Variants in ADGRD1 observed in about 807,000 individuals in gnomAD.
ADGRD1 encodes adhesion G protein-coupled receptor D1, also known as G-protein coupled receptor 133.
Under a neutral mutation model 113.4 loss-of-function variants are expected in ADGRD1, and 77 were observed. The ratio of observed to expected loss-of-function variants is 0.68; its 90% CI spans 0.57 to 0.82. The LOEUF (loss-of-function observed/expected upper bound fraction) is 0.82, where lower values mean the gene tolerates loss of function less well. Among genes scored for constraint, ADGRD1 ranks in the 40% least tolerant of loss-of-function variants. ADGRD1 has a pLI of 0.00. For missense variants in ADGRD1, 1,036 were observed against 1,139.1 expected, an observed-to-expected ratio of 0.91 and a Z score of 1.30; for synonymous variants, 474 against 475.0, an observed-to-expected ratio of 1.00 and a Z score of 0.03.
Position 131,096,881 on chromosome 12 carries a change from G to C in ADGRD1, c.1672-7950G>C, listed in dbSNP as rs11830690. ...CCTGCTGCCCGGCTCTGCCTCCCAC[G>C]GCCGACCACTGTGCTGAGTTGCAGG... On this transcript the variant is annotated intron_variant, in intron 15 of 24. Coordinates refer to ENST00000261654, the MANE Select transcript of ADGRD1 (RefSeq NM_198827.5). The surrounding 1 kb of genome is among the most constrained non-coding windows in gnomAD (Gnocchi z 5.2). 0.041 allele frequency among the ~76,000 whole-genome samples: 6,170 copies of C among 152,212 alleles called. 408 individuals are homozygous for C. Among genetic ancestry groups the C allele is most frequent in the African/African-American group, 0.14 (5,869 of 41,504 alleles).
Position 130,964,214 on chromosome 12 carries a change from TAA to T in ADGRD1, c.104-2248_104-2247del, listed in dbSNP as rs1204278262. Among the ~76,000 whole-genome samples the T allele has an allele frequency of 2.0e-3, 297 of 152,056 alleles. 1 individual carries two copies. Among genetic ancestry groups the T allele is most frequent in the African/African-American group, 6.9e-3 (286 of 41,478 alleles). ...TATGTATTATATAATACATATTATA[TAA>T]TATGCACAGAAAACTTTGTTTTCTG... is the stretch of plus-strand genomic sequence containing the variant. On this transcript the variant is annotated intron_variant, in intron 2 of 24. Transcript: ENST00000261654.
intron 9 of ADGRD1, chr12:131,002,540 C>T: frequency 1.0e-6 from 1 of 999,204 alleles, no homozygotes; most frequent in African/African-American, 1.7e-5. Context: ...AGCTCACTGG[C>T]CCAGCTCAGC....
intron 4 of ADGRD1, among the ~76,000 whole-genome samples, chr12:130,976,421 A>G (rs1400024123): frequency 1.3e-5 from 2 of 152,180 alleles, no homozygotes; most frequent in Non-Finnish European, 2.9e-5. Flanking sequence ...CCTGGGTGGC[A>G]GCAACTGCAG....
At chr12:131,105,218 C>T (rs1345595706) in intron 16 of ADGRD1, among the ~76,000 whole-genome samples, 3 of 152,252 alleles carry the variant, frequency 2.0e-5, no homozygotes, top group African/African-American at 7.2e-5. Context: ...GCTTTGAGGG[C>T]CCGACTGTGC....
At position 130,954,903 on chromosome 12, in the gene ADGRD1, G is replaced by A. The variant is rs1869342295; in HGVS notation, c.103+243G>A. ...TGAGCTGGGTCATATGAAACATTGT[G>A]ATTAAGGAAATATGATCTTCATTTG... On this transcript the variant is annotated intron_variant, in intron 2 of 24. Transcript: ENST00000261654. The surrounding 1 kb of genome is among the most constrained non-coding windows in gnomAD (Gnocchi z 4.7). Among the ~76,000 whole-genome samples the A allele has an allele frequency of 1.4e-5, 1 of 73,980 alleles. No individual in the cohort carries two copies. Among genetic ancestry groups the A allele is most frequent in the African/African-American group, 5.5e-5 (1 of 18,104 alleles). 48.5% of individuals were successfully genotyped at this position (73,980 alleles called of 152,430 possible).
intron 21 of ADGRD1, among the ~76,000 whole-genome samples, chr12:131,132,436 C>G (rs890777626): frequency 2.0e-5 from 3 of 152,220 alleles, no homozygotes; most frequent in Non-Finnish European, 4.4e-5. Flanking sequence ...CATGCACTGG[C>G]CTAAGCAGAA....
chr12:130,979,821 A>T (rs999801458), intron 4 of ADGRD1, among the ~76,000 whole-genome samples: 8 of 20,522 alleles, frequency 3.9e-4, no homozygotes, highest in Non-Finnish European at 6.5e-4. Context: ...AGTGTCTCAC[A>T]CACACACACA....
chr12:131,132,352 A>C (rs1171124382), intron 21 of ADGRD1, among the ~76,000 whole-genome samples: 2 of 152,130 alleles, frequency 1.3e-5, no homozygotes, highest in African/African-American at 2.4e-5. Flanking sequence ...CCAGCCACAC[A>C]ACTCACTGCC....
At chr12:131,046,433 C>T (rs561394039) in intron 13 of ADGRD1, among the ~76,000 whole-genome samples, 2 of 111,854 alleles carry the variant, frequency 1.8e-5, no homozygotes, top group African/African-American at 4.2e-5. Context: ...CCTCCCTGGT[C>T]AGTGTCCTCT....
At position 131,027,973 on chromosome 12, in the gene ADGRD1, A is replaced by G. The variant is rs1344853572; in HGVS notation, c.1473+13633A>G. On this transcript the variant is annotated intron_variant, in intron 13 of 24. Coordinates refer to ENST00000261654, the MANE Select transcript of ADGRD1 (RefSeq NM_198827.5). This position sits in a 1 kb window ranked among gnomAD's most constrained non-coding sequence, Gnocchi z 5.1. ...GAGCGCGTTTCTGCTGGTGAACCTGACTGTGCCCTTCTTTGTGGGATCTGC... is the reference window on the plus strand; with the variant it reads ...GAGCGCGTTTCTGCTGGTGAACCTGGCTGTGCCCTTCTTTGTGGGATCTGC... 1 of 152,192 alleles carries G rather than the reference A, an allele frequency of 6.6e-6. No individual in the cohort carries two copies. The highest frequency in any genetic ancestry group is 2.4e-5 in the African/African-American group (1 of 41,430). The allele number at this position is 152,192 out of a possible 1,614,324, so 9.4% of individuals were successfully genotyped here.
At chr12:131,014,487 C>T in intron 13 of ADGRD1, 147 bp downstream of exon 13, 1 of 726,828 alleles carries the variant, frequency 1.4e-6, no homozygotes, top group African/African-American at 1.8e-5. Flanking sequence ...GGAGCTCCTT[C>T]TCTTGGGCCT....
chr12:131,124,672 G>A (rs1243297424), intron 20 of ADGRD1, among the ~76,000 whole-genome samples: 2 of 105,340 alleles, frequency 1.9e-5, no homozygotes, highest in Admixed American at 9.8e-5. Context: ...ACTGCCCACC[G>A]CCCCTTCTCG....
intron 20 of ADGRD1, 91 bp from the exon 21 acceptor site, chr12:131,131,634 G>T (rs914571262): frequency 1.2e-6 from 1 of 843,546 alleles, no homozygotes; most frequent in Admixed American, 2.3e-5. Context: ...GGCAGGGGTA[G>T]CCTGTGGTGA....
intron 20 of ADGRD1, among the ~76,000 whole-genome samples, chr12:131,128,560 C>T (rs1950803994): frequency 6.6e-6 from 1 of 152,110 alleles, no homozygotes; most frequent in Non-Finnish European, 1.5e-5. Flanking sequence ...GAAATGGCAA[C>T]ACAAAATTTA....
chr12:131,025,008 C>A (rs969397572), intron 13 of ADGRD1, among the ~76,000 whole-genome samples: 3 of 152,188 alleles, frequency 2.0e-5, no homozygotes, highest in South Asian at 2.1e-4. Flanking sequence ...GAATTACAGG[C>A]CCTGTGGGGC....
At chr12:131,054,819 G>A (rs1050951021) in intron 13 of ADGRD1, among the ~76,000 whole-genome samples, 3 of 152,204 alleles carry the variant, frequency 2.0e-5, no homozygotes, top group African/African-American at 4.8e-5. Flanking sequence ...GAGCTCCGGG[G>A]CAGTTATAGA....
At chr12:130,969,352 G>C (rs150129124) in intron 3 of ADGRD1, 204 of 367,614 alleles carry the variant, frequency 5.5e-4, no homozygotes, top group African/African-American at 4.2e-3. Context: ...AGCAGGAAGT[G>C]AGTGGTGGGT....
chr12:131,090,176 A>G (rs1387867765), intron 15 of ADGRD1, among the ~76,000 whole-genome samples: 2 of 152,216 alleles, frequency 1.3e-5, no homozygotes, highest in Non-Finnish European at 2.9e-5. Context: ...GCATCTATTC[A>G]TTGCCAGAAA....
intron 13 of ADGRD1, among the ~76,000 whole-genome samples, chr12:131,074,064 G>T (rs1028341092): frequency 5.3e-5 from 8 of 152,208 alleles, no homozygotes; most frequent in African/African-American, 1.9e-4. Context: ...AGGCTATCAT[G>T]AGTATCAAAT....
Sources: allele counts gnomAD v4.1 joint callset (sites outside exome capture counted in the v4.1 genomes callset), GRCh38; gene constraint gnomAD v4.1.1; non-coding constraint Gnocchi (gnomAD v3.1); transcripts MANE v1.5; gene names NCBI Gene and HGNC (gene_info 2026-07-23, HGNC 2026-07-21).